HOOK3: variants seen among roughly 807,000 people sequenced by gnomAD.
The protein encoded by HOOK3 is protein Hook homolog 3.
HOOK3 carries 24 observed loss-of-function variants against 116.3 expected under a neutral mutation model. The observed-to-expected ratio is 0.21, with a 90% CI of 0.15 to 0.29. The LOEUF (loss-of-function observed/expected upper bound fraction) is 0.29. HOOK3 is among the 10% of genes least tolerant of loss of function. The pLI is 1.00. For missense variants in HOOK3, 632 were observed against 830.2 expected, an observed-to-expected ratio of 0.76 and a Z score of 2.93; for synonymous variants, 275 against 283.0, an observed-to-expected ratio of 0.97 and a Z score of 0.28.
chr8:43,002,202 G>A, intron 17 of HOOK3, 61 bp downstream of exon 17: 2 of 1,261,502 alleles, frequency 1.6e-6, no homozygotes, highest in Non-Finnish European at 1.2e-6. Context: ...CTTTGTGTTA[G>A]GTAGTTACGG....
intron 2 of HOOK3, among the ~76,000 whole-genome samples, chr8:42,916,168 G>T (rs1267418286): frequency 6.6e-6 from 1 of 152,208 alleles, no homozygotes; most frequent in African/African-American, 2.4e-5. Context: ...AGTGGAGCCT[G>T]CCCTGCCCAC....
Position 43,030,118 on chromosome 8 carries a change from AT to A in HOOK3, c.*11625del. The A allele has an allele frequency of 9.6e-6, 2 of 207,898 alleles. No individual in the cohort carries two copies. The highest frequency in any genetic ancestry group is 2.0e-5 in the Non-Finnish European group (2 of 102,138). The allele number at this position is 207,898 out of a possible 1,614,324, so 12.9% of individuals were successfully genotyped here. A position where few individuals can be genotyped will look rare whatever the true frequency, so the allele number is the denominator to read the frequency against. ...GTGTTGTACATAATGATGTCCAAGC[AT>A]TTTTCCACCTGTTTACTGAGTTTTC... On this transcript the variant is annotated 3_prime_UTR_variant, in exon 22 of 22. Transcript: ENST00000307602.
intron 16 of HOOK3, among the ~76,000 whole-genome samples, chr8:42,999,103 G>T (rs553358383): frequency 6.6e-6 from 1 of 152,290 alleles, no homozygotes; most frequent in African/African-American, 2.4e-5. Context: ...ATCAGAATCA[G>T]CTTAAACTTC....
At chr8:42,939,500 G>A (rs1188482895) in intron 4 of HOOK3, among the ~76,000 whole-genome samples, 209 of 147,572 alleles carry the variant, frequency 1.4e-3, no homozygotes, top group African/African-American at 5.0e-3. Flanking sequence ...CCTCCCGGAC[G>A]GGGCGGCTGG....
At position 42,980,823 on chromosome 8, in the gene HOOK3, G is replaced by T. The variant is rs148459057; in HGVS notation, c.1322-1804G>T. ...CACTTGAACCTGAGAGGAGGAGGTT[G>T]CAGTGAGCCGAGATCGCGCCACTGC... On this transcript the variant is annotated intron_variant, in intron 13 of 21. Transcript: ENST00000307602. Among the ~76,000 whole-genome samples the T allele has an allele frequency of 4.9e-3, 749 of 152,062 alleles. 9 individuals are homozygous for T. The highest frequency in any genetic ancestry group is 0.014 in the Middle Eastern group (4 of 294).
intron 15 of HOOK3, among the ~76,000 whole-genome samples, chr8:42,992,745 T>A (rs1809191897): frequency 6.6e-6 from 1 of 151,658 alleles, no homozygotes; most frequent in South Asian, 2.1e-4. Context: ...ATGTTACTGA[T>A]TTTTGTATGT....
chr8:42,966,563 C>T lies in HOOK3; in HGVS notation c.870C>T (p.Thr290=). Residue 290 remains threonine (T), a synonymous_variant, in exon 10 of 22, where the codon ACC becomes ACT. Transcript: ENST00000307602. ...SELRQQNDEL[T]TLADEAQSLK... Reference sequence around the variant, plus strand: ...TTCGGCAACAGAATGATGAACTGACCACTTTGGCAGATGAAGCTCAGTCTC... The same window carrying T: ...TTCGGCAACAGAATGATGAACTGACTACTTTGGCAGATGAAGCTCAGTCTC... The T allele has an allele frequency of 6.2e-7, 1 of 1,614,078 alleles. No individual in the cohort carries two copies. The highest frequency in any genetic ancestry group is 8.5e-7 in the Non-Finnish European group (1 of 1,179,990).
chr8:42,992,882 T>C (rs1018327012), intron 15 of HOOK3, among the ~76,000 whole-genome samples: 8 of 152,210 alleles, frequency 5.3e-5, no homozygotes, highest in Non-Finnish European at 8.8e-5. Context: ...ATCCTTGTCC[T>C]GTTCCTGATC....
chr8:42,971,722 C>T (rs1257660184), intron 11 of HOOK3, among the ~76,000 whole-genome samples: 1 of 149,314 alleles, frequency 6.7e-6, no homozygotes, highest in Non-Finnish European at 1.5e-5. Context: ...GCTCTGTGGC[C>T]CAGGTTGGAG....
intron 6 of HOOK3, among the ~76,000 whole-genome samples, chr8:42,951,108 G>A (rs769270820): frequency 2.6e-5 from 4 of 151,834 alleles, no homozygotes; most frequent in South Asian, 2.1e-4. Context: ...TCACTCTGTC[G>A]TCCAGGCAAT....
intron 15 of HOOK3, chr8:42,994,492 G>A (rs757923460): frequency 3.1e-5 from 11 of 360,254 alleles, no homozygotes; most frequent in South Asian, 1.7e-4. Flanking sequence ...CATAGATTTC[G>A]GTATGTTGTG....
intron 2 of HOOK3, among the ~76,000 whole-genome samples, chr8:42,914,368 A>G (rs1807490860): frequency 6.6e-6 from 1 of 152,170 alleles, no homozygotes; most frequent in South Asian, 2.1e-4. Flanking sequence ...ACCCAACTTC[A>G]TCTTCACTTA....
At chr8:42,926,531 C>T (rs1807768855) in intron 3 of HOOK3, among the ~76,000 whole-genome samples, 1 of 152,122 alleles carries the variant, frequency 6.6e-6, no homozygotes, top group South Asian at 2.1e-4. Context: ...GGTGATCTGC[C>T]CACCTTGGCC....
At chr8:42,979,203 T>C (rs934091745) in intron 13 of HOOK3, among the ~76,000 whole-genome samples, 1 of 152,130 alleles carries the variant, frequency 6.6e-6, no homozygotes, top group African/African-American at 2.4e-5. Flanking sequence ...GCCCAGGAGT[T>C]TGAGGTTACA....
chr8:42,955,719 G>A (rs1386885704), intron 6 of HOOK3, among the ~76,000 whole-genome samples: 1 of 151,974 alleles, frequency 6.6e-6, no homozygotes, highest in Admixed American at 6.6e-5. Flanking sequence ...CAGAGGGGTG[G>A]GGCCTAGAAG....
chr8:43,000,142 C>T (rs917266428), intron 16 of HOOK3: 19 of 545,148 alleles, frequency 3.5e-5, no homozygotes, highest in African/African-American at 5.9e-5. Flanking sequence ...AGCGAGACTC[C>T]GTCTGAAAAA....
chr8:42,958,596 G>GTT (rs71550434), intron 7 of HOOK3, among the ~76,000 whole-genome samples: 55 of 106,330 alleles, frequency 5.2e-4, no homozygotes, highest in South Asian at 2.0e-3. Flanking sequence ...GTTTTTGATA[G>GTT]TTTTTTTTTT....
intron 1 of HOOK3, among the ~76,000 whole-genome samples, chr8:42,899,193 T>G (rs1697343084): frequency 6.6e-6 from 1 of 152,226 alleles, no homozygotes; most frequent in Non-Finnish European, 1.5e-5. Flanking sequence ...CTTAGAAGTT[T>G]GAAGGCCTGC....
intron 3 of HOOK3, among the ~76,000 whole-genome samples, chr8:42,929,771 C>A (rs1322759340): frequency 6.6e-6 from 1 of 152,084 alleles, no homozygotes. Flanking sequence ...GAGAATAGCT[C>A]TGAACTCAAG....
Sources: gnomAD v4.1 joint callset for allele counts (sites outside exome capture counted in the v4.1 genomes callset) on GRCh38, gnomAD v4.1.1 for gene constraint, MANE v1.5 for transcripts, NCBI Gene and HGNC (gene_info 2026-07-23, HGNC 2026-07-21) for gene names.